Variants in CDKAL1 observed in about 807,000 individuals in gnomAD.
The protein encoded by CDKAL1 is threonylcarbamoyladenosine tRNA methylthiotransferase.
CDKAL1 carries 32 observed loss-of-function variants against 68.2 expected under a neutral mutation model. The ratio of observed to expected loss-of-function variants is 0.47; its 90% CI spans 0.35 to 0.63. The LOEUF (loss-of-function observed/expected upper bound fraction) is 0.63, where lower values mean the gene tolerates loss of function less well. Among genes scored for constraint, CDKAL1 ranks in the 30% least tolerant of loss-of-function variants. The pLI is 0.00. For missense variants in CDKAL1, 606 were observed against 696.7 expected, an observed-to-expected ratio of 0.87 and a Z score of 1.47; for synonymous variants, 234 against 244.3, an observed-to-expected ratio of 0.96 and a Z score of 0.39.
chr6:21,165,909 G>C (rs1042523525), intron 13 of CDKAL1, among the ~76,000 whole-genome samples: 1 of 152,182 alleles, frequency 6.6e-6, no homozygotes, highest in African/African-American at 2.4e-5. Context: ...CTAGTTCTGT[G>C]ATTAGGAGGT....
At chr6:20,674,402 A>G (rs1272182460) in intron 5 of CDKAL1, among the ~76,000 whole-genome samples, 1 of 152,180 alleles carries the variant, frequency 6.6e-6, no homozygotes, top group Non-Finnish European at 1.5e-5. Context: ...TTGTCATGTT[A>G]AGAAACTATC....
intron 8 of CDKAL1, among the ~76,000 whole-genome samples, chr6:20,806,323 T>C (rs895688840): frequency 2.0e-5 from 3 of 152,230 alleles, no homozygotes; most frequent in Non-Finnish European, 2.9e-5. Context: ...CATGAACTTA[T>C]TCTTTTTATG....
intron 8 of CDKAL1, among the ~76,000 whole-genome samples, chr6:20,797,858 C>T (rs539863357): frequency 6.9e-6 from 1 of 144,436 alleles, no homozygotes; most frequent in South Asian, 2.1e-4. Context: ...GCTCTATCGC[C>T]CAGGCTGGAG....
intron 9 of CDKAL1, among the ~76,000 whole-genome samples, chr6:20,900,492 G>GT (rs920042245): frequency 2.6e-5 from 4 of 152,198 alleles, no homozygotes; most frequent in African/African-American, 9.7e-5. Context: ...CACCAGCATC[G>GT]TAAGTAGATA....
intron 4 of CDKAL1, among the ~76,000 whole-genome samples, chr6:20,636,830 A>G (rs1342393809): frequency 1.3e-5 from 2 of 152,146 alleles, no homozygotes; most frequent in African/African-American, 4.8e-5. Flanking sequence ...TGAGGTCAGG[A>G]GTTCGAGACC....
intron 8 of CDKAL1, among the ~76,000 whole-genome samples, chr6:20,814,086 C>T (rs897209774): frequency 1.3e-5 from 2 of 152,002 alleles, no homozygotes; most frequent in Non-Finnish European, 2.9e-5. Context: ...TCATTTAGGT[C>T]TTCCTTAAAT....
At chr6:20,815,384 T>C (rs1451812089) in intron 8 of CDKAL1, among the ~76,000 whole-genome samples, 2 of 152,188 alleles carry the variant, frequency 1.3e-5, no homozygotes, top group Non-Finnish European at 2.9e-5. Context: ...CCTGTGCTAA[T>C]TGAACTTCTT....
At chr6:21,006,070 A>AT (rs1767709336) in intron 11 of CDKAL1, among the ~76,000 whole-genome samples, 1 of 152,132 alleles carries the variant, frequency 6.6e-6, no homozygotes, top group Non-Finnish European at 1.5e-5. Context: ...AGCCCATCCT[A>AT]TGACCTACTT....
chr6:20,986,415 A>G (rs184164171), intron 10 of CDKAL1, among the ~76,000 whole-genome samples: 4 of 152,152 alleles, frequency 2.6e-5, no homozygotes, highest in Admixed American at 2.0e-4. Flanking sequence ...ATTTTTCTCA[A>G]TTTTTCAAAA....
intron 9 of CDKAL1, among the ~76,000 whole-genome samples, chr6:20,872,702 G>A (rs1215256333): frequency 1.8e-5 from 1 of 56,134 alleles, no homozygotes; most frequent in Non-Finnish European, 3.5e-5. Flanking sequence ...AAATCTACAT[G>A]GTAGGAAGAT....
chr6:20,632,898 G>C (rs1173620028), intron 4 of CDKAL1, among the ~76,000 whole-genome samples: 1 of 152,080 alleles, frequency 6.6e-6, no homozygotes, highest in African/African-American at 2.4e-5. Flanking sequence ...AAGCTTCCTG[G>C]GGGAGGTGAC....
intron 13 of CDKAL1, among the ~76,000 whole-genome samples, chr6:21,115,563 G>A (rs1026534094): frequency 6.6e-6 from 1 of 152,176 alleles, no homozygotes; most frequent in East Asian, 1.9e-4. Flanking sequence ...AGCCATTTGT[G>A]CACTTAACTC....
chr6:21,095,888 A>G (rs1773290196), intron 12 of CDKAL1, among the ~76,000 whole-genome samples: 1 of 152,234 alleles, frequency 6.6e-6, no homozygotes. Context: ...TATTTTTGAC[A>G]TAGTACTTGA....
intron 11 of CDKAL1, among the ~76,000 whole-genome samples, chr6:21,039,555 A>G (rs538690765): frequency 1.2e-4 from 18 of 152,318 alleles, no homozygotes; most frequent in African/African-American, 3.8e-4. Flanking sequence ...AAAAATTATC[A>G]CCTTGTGGAA....
chr6:21,096,012 A>AT (rs1773295813), intron 12 of CDKAL1, among the ~76,000 whole-genome samples: 1 of 152,186 alleles, frequency 6.6e-6, no homozygotes, highest in African/African-American at 2.4e-5. Context: ...GATAGAAATG[A>AT]TTTTTTACAG....
intron 4 of CDKAL1, among the ~76,000 whole-genome samples, chr6:20,595,360 T>C (rs1189659669): frequency 6.6e-6 from 1 of 152,146 alleles, no homozygotes; most frequent in Non-Finnish European, 1.5e-5. Flanking sequence ...TTGGAGGCCT[T>C]GTTCATTCCT....
chr6:20,794,217 G>A (rs2150395068), intron 8 of CDKAL1, among the ~76,000 whole-genome samples: 1 of 152,022 alleles, frequency 6.6e-6, no homozygotes, highest in South Asian at 2.1e-4. Context: ...TAAGAATCAT[G>A]TTTTATTAAA....
intron 5 of CDKAL1, among the ~76,000 whole-genome samples, chr6:20,702,674 T>C (rs1034036686): frequency 1.2e-4 from 19 of 152,210 alleles, no homozygotes; most frequent in South Asian, 8.3e-4. Flanking sequence ...TCTTCGCCGA[T>C]GTGTTCCTCA....
chr6:20,841,646 C>A (rs915526937), intron 8 of CDKAL1, among the ~76,000 whole-genome samples: 1 of 152,166 alleles, frequency 6.6e-6, no homozygotes, highest in Admixed American at 6.5e-5. Context: ...TGATGGCTCA[C>A]GCCTGTCATC....
Sources: gnomAD v4.1 joint callset for allele counts (sites outside exome capture counted in the v4.1 genomes callset) on GRCh38, gnomAD v4.1.1 for gene constraint, MANE v1.5 for transcripts, NCBI Gene and HGNC (gene_info 2026-07-23, HGNC 2026-07-21) for gene names.